KCNMA1: variants seen among roughly 807,000 people sequenced by gnomAD.
KCNMA1 encodes potassium calcium-activated channel subfamily M alpha 1, also known as Calcium-activated potassium channel subunit alpha-1.
KCNMA1 carries 29 observed loss-of-function variants against 140.0 expected under a neutral mutation model. The ratio of observed to expected loss-of-function variants is 0.21; its 90% confidence interval spans 0.15 to 0.28. The LOEUF (loss-of-function observed/expected upper bound fraction) is 0.28, where lower values mean the gene tolerates loss of function less well. KCNMA1 is among the 10% of genes least tolerant of loss of function. The pLI, the probability that KCNMA1 is intolerant of heterozygous loss-of-function variation, is 1.00. For missense variants in KCNMA1, 880 were observed against 1,602.2 expected (o/e 0.55, Z 7.70); for synonymous variants, 612 against 611.9 (o/e 1.00, Z 0.00).
intron 1 of KCNMA1, among the ~76,000 whole-genome samples, chr10:77,609,770 C>A (rs2086093909): frequency 6.6e-6 from 1 of 151,346 alleles, no homozygotes; most frequent in Non-Finnish European, 1.5e-5. Flanking sequence ...AAAATACAGC[C>A]AATTGGCACT....
At chr10:77,099,018 T>A (rs2097019422) in intron 9 of KCNMA1, among the ~76,000 whole-genome samples, 1 of 152,120 alleles carries the variant, frequency 6.6e-6, no homozygotes, top group South Asian at 2.1e-4. Flanking sequence ...GGGAGCTGAA[T>A]GGCACTTTCC....
chr10:77,406,007 A>G (rs2096460689), intron 1 of KCNMA1, among the ~76,000 whole-genome samples: 1 of 152,124 alleles, frequency 6.6e-6, no homozygotes, highest in Non-Finnish European at 1.5e-5. Flanking sequence ...CCTGGACGCT[A>G]ATATTTTCTT....
intron 2 of KCNMA1, among the ~76,000 whole-genome samples, chr10:77,252,877 A>G (rs2059951611): frequency 6.6e-6 from 1 of 152,008 alleles, no homozygotes; most frequent in African/African-American, 2.4e-5. Context: ...TCATTCTGCC[A>G]TTTAAAAAAA....
intron 12 of KCNMA1, 28 bp downstream of exon 12, chr10:77,084,608 AG>A: frequency 6.3e-7 from 1 of 1,575,368 alleles, no homozygotes. Flanking sequence ...TGCCAAGCCC[AG>A]GGCCTTCCGC....
chr10:76,920,190 T>C (rs2055122426), intron 23 of KCNMA1, among the ~76,000 whole-genome samples: 1 of 151,254 alleles, frequency 6.6e-6, no homozygotes, highest in Non-Finnish European at 1.5e-5. Flanking sequence ...TCAATGGCAT[T>C]GTTTTTATGA....
At chr10:77,411,996 C>A (rs770974885) in intron 1 of KCNMA1, among the ~76,000 whole-genome samples, 1 of 152,210 alleles carries the variant, frequency 6.6e-6, no homozygotes. Context: ...CGGTCTCCAG[C>A]ACTAAGAGGC....
intron 1 of KCNMA1, among the ~76,000 whole-genome samples, chr10:77,463,456 G>T (rs1032165757): frequency 1.8e-5 from 2 of 112,524 alleles, no homozygotes; most frequent in African/African-American, 7.5e-5. Flanking sequence ...GTGGGACCAA[G>T]GAGAGGGGCA....
At chr10:77,253,434 G>C (rs1444806379) in intron 2 of KCNMA1, among the ~76,000 whole-genome samples, 1 of 152,206 alleles carries the variant, frequency 6.6e-6, no homozygotes, top group South Asian at 2.1e-4. Context: ...TAAGACCCCT[G>C]CAATGGCAAT....
At chr10:77,514,560 T>C (rs2049651798) in intron 1 of KCNMA1, among the ~76,000 whole-genome samples, 2 of 152,196 alleles carry the variant, frequency 1.3e-5, no homozygotes, top group Admixed American at 6.5e-5. Flanking sequence ...GCTTCCCAAC[T>C]ACTGAAAATG....
At chr10:76,907,801 A>G (rs762051721) in intron 25 of KCNMA1, among the ~76,000 whole-genome samples, 63 of 152,204 alleles carry the variant, frequency 4.1e-4, no homozygotes, top group Non-Finnish European at 8.1e-4. Context: ...TCGGCCTTCT[A>G]AAGTGCTGGG....
At chr10:77,191,236 A>G (rs1225057473) in intron 3 of KCNMA1, among the ~76,000 whole-genome samples, 1 of 152,218 alleles carries the variant, frequency 6.6e-6, no homozygotes, top group Non-Finnish European at 1.5e-5. Context: ...TCAAATTAGA[A>G]ACTGATATTA....
rs537027371 is a variant in KCNMA1, at chr10:77,055,519, C to T, written c.1750-15882G>A. Among the ~76,000 whole-genome samples, 722 of 136,846 alleles carry T rather than the reference C, an allele frequency of 5.3e-3. 7 individuals are homozygous for T. The highest frequency in any genetic ancestry group is 0.018 in the African/African-American group (678 of 37,464). The allele number at this position is 136,846 out of a possible 152,430, so 89.8% of individuals were successfully genotyped here. A position where few individuals can be genotyped will look rare whatever the true frequency, so the allele number is the denominator to read the frequency against. On this transcript the variant is annotated intron_variant, in intron 14 of 27. Coordinates refer to ENST00000286628, the MANE Select transcript of KCNMA1 (RefSeq NM_001161352.2). ...TCCTCTCTTTCTTCTTTCCTTTCTT[C>T]CTTTCTTTTTCTCTCCTCCTGTGCC...
chr10:77,616,753 C>CCGAG (rs1201032506), intron 1 of KCNMA1, among the ~76,000 whole-genome samples: 1 of 151,864 alleles, frequency 6.6e-6, no homozygotes, highest in African/African-American at 2.4e-5. Flanking sequence ...TTGCAGTGAG[C>CCGAG]CGAGACTGCA....
rs1486455345 is a variant in KCNMA1 at position 77,114,004 on chromosome 10, G to A, written c.885-1562C>T. ...AAGTATTTCTGTTAAGAATCTCTTCGGGGATGGCATCACATCAGGATATCC... is the reference window on the plus strand; with the variant it reads ...AAGTATTTCTGTTAAGAATCTCTTCAGGGATGGCATCACATCAGGATATCC... On this transcript the variant is annotated intron_variant, in intron 6 of 27. Coordinates refer to ENST00000286628, the MANE Select transcript of KCNMA1 (RefSeq NM_001161352.2). Among the ~76,000 whole-genome samples the A allele has an allele frequency of 2.6e-5, 4 of 151,936 alleles. No homozygotes were observed. In the East Asian group the frequency reaches 7.7e-4, roughly 29 times the overall value.
chr10:76,927,788 G>C (rs564896445), intron 23 of KCNMA1, among the ~76,000 whole-genome samples: 1 of 152,288 alleles, frequency 6.6e-6, no homozygotes, highest in African/African-American at 2.4e-5. Flanking sequence ...TACCAACGTT[G>C]TATGTCTAGT....
intron 1 of KCNMA1, among the ~76,000 whole-genome samples, chr10:77,441,850 C>CT (rs140082371): frequency 0.11 from 16,313 of 150,764 alleles, 929 homozygotes; most frequent in South Asian, 0.16. Context: ...TTTTTTTCTT[C>CT]TTTTTTTGGT....
intron 23 of KCNMA1, among the ~76,000 whole-genome samples, chr10:76,920,129 A>G (rs2152505791): frequency 6.7e-6 from 1 of 148,832 alleles, no homozygotes; most frequent in African/African-American, 2.5e-5. Flanking sequence ...AATGGCTGGA[A>G]AAGGGTTCCA....
intron 2 of KCNMA1, among the ~76,000 whole-genome samples, chr10:77,374,071 T>C (rs2094921651): frequency 6.6e-6 from 1 of 152,194 alleles, no homozygotes; most frequent in South Asian, 2.1e-4. Flanking sequence ...TAAGTTTCCT[T>C]GATCTGAAGC....
In KCNMA1 at chr10:76,987,768, A is replaced by G. The variant is rs147525501; in HGVS notation, c.2266+13639T>C. On this transcript the variant is annotated intron_variant, in intron 19 of 27. Transcript: ENST00000286628. ...TGTTAGATGATGGATGCTTATGTGG[A>G]GAACGGAACTAGGGAAACTGGTTGA... Among the ~76,000 whole-genome samples, 179 of 150,872 alleles carry G rather than the reference A, an allele frequency of 1.2e-3. 2 individuals carry two copies. Among genetic ancestry groups the G allele is most frequent in the African/African-American group, 4.1e-3 (167 of 41,056 alleles).
Sources: allele counts gnomAD v4.1 joint callset (sites outside exome capture counted in the v4.1 genomes callset), GRCh38; gene constraint gnomAD v4.1.1; transcripts MANE v1.5; gene names NCBI Gene and HGNC (gene_info 2026-07-23, HGNC 2026-07-21).